The following AGR3 variants were observed in gnomAD, a reference collection of about 807,000 sequenced individuals.
AGR3 encodes the protein anterior gradient protein 3.
AGR3 carries 37 observed loss-of-function variants against 24.5 expected under a neutral mutation model. The observed-to-expected ratio is 1.51, with a 90% CI of 1.16 to 1.99. The LOEUF is 1.99. AGR3 is among the 30% of genes most tolerant of loss of function. The probability of loss-of-function intolerance (pLI) is 0.00; values close to 1 mark genes in which losing one functional copy is unlikely to be tolerated. For missense variants in AGR3, 228 were observed against 191.1 expected (o/e 1.19, Z -1.14); for synonymous variants, 75 against 61.6 (o/e 1.22, Z -1.02).
At position 16,865,320 on chromosome 7, in the gene AGR3, GA is replaced by G. The variant is rs568341437; in HGVS notation, c.174-2659del. The G allele has an allele frequency of 4.5e-3, 5,287 of 1,172,152 alleles. 20 individuals carry two copies. The highest frequency in any genetic ancestry group is 6.1e-3 in the Non-Finnish European group (4,816 of 792,386). 72.6% of individuals were successfully genotyped at this position (1,172,152 alleles called of 1,614,324 possible). Reference sequence around the variant, plus strand: ...GTTTATTGCACTTCTCATATCACCAGAACATCCTTGACAGAGCACCTCTAGA... The same window carrying G: ...GTTTATTGCACTTCTCATATCACCAGACATCCTTGACAGAGCACCTCTAGA... On this transcript the variant is annotated intron_variant, in intron 3 of 7. Transcript: ENST00000310398.
chr7:16,864,508 A>G, intron 3 of AGR3: 2 of 1,267,674 alleles, frequency 1.6e-6, no homozygotes, highest in Admixed American at 3.4e-5. Context: ...CCTGTCAGTC[A>G]GGGCTTCCAT....
At chr7:16,860,854 C>A (rs1781627684) in intron 6 of AGR3, among the ~76,000 whole-genome samples, 1 of 152,102 alleles carries the variant, frequency 6.6e-6, no homozygotes, top group African/African-American at 2.4e-5. Context: ...TCTTTATGTC[C>A]ATGTGTAACC....
At chr7:16,872,540 T>C (rs1781903801) in intron 3 of AGR3, among the ~76,000 whole-genome samples, 1 of 152,076 alleles carries the variant, frequency 6.6e-6, no homozygotes, top group South Asian at 2.1e-4. Context: ...TCGGACATTG[T>C]TCCCTGCAAA....
At chr7:16,861,510 G>A (rs1368675350) in intron 5 of AGR3, 63 bp from the exon 6 acceptor site, 2 of 1,383,172 alleles carry the variant, frequency 1.4e-6, no homozygotes, top group South Asian at 1.2e-5. Context: ...GTTTCAAGAT[G>A]ATTTTGTGTG....
At chr7:16,876,076 C>T (rs1781981715) in intron 2 of AGR3, among the ~76,000 whole-genome samples, 1 of 152,186 alleles carries the variant, frequency 6.6e-6, no homozygotes, top group Admixed American at 6.5e-5. Flanking sequence ...GCATAACTTA[C>T]TCCACAAAGC....
intron 3 of AGR3, chr7:16,865,052 C>T (rs757477100): frequency 1.8e-5 from 14 of 795,290 alleles, no homozygotes; most frequent in Non-Finnish European, 3.0e-5. Flanking sequence ...AATGAGAGGG[C>T]AACCAAGATG....
chr7:16,875,564 T>C (rs894649995), intron 2 of AGR3, among the ~76,000 whole-genome samples: 2 of 152,210 alleles, frequency 1.3e-5, no homozygotes, highest in African/African-American at 4.8e-5. Flanking sequence ...AATGATGCTA[T>C]GAACATACAT....
At chr7:16,873,564 T>G (rs879916225) in intron 3 of AGR3, 1 of 521,004 alleles carries the variant, frequency 1.9e-6, no homozygotes, top group Admixed American at 3.2e-5. Context: ...AACAATAGTT[T>G]ATTGTATATA....
At chr7:16,864,146 C>G in intron 3 of AGR3, 1 of 567,146 alleles carries the variant, frequency 1.8e-6, no homozygotes, top group Admixed American at 3.3e-5. Context: ...ACTACAGGAA[C>G]GGAGAATTAA....
intron 3 of AGR3, among the ~76,000 whole-genome samples, chr7:16,870,884 A>G (rs1781852747): frequency 6.6e-6 from 1 of 152,128 alleles, no homozygotes; most frequent in African/African-American, 2.4e-5. Context: ...TATTGAAACA[A>G]TAGTTAATTT....
At chr7:16,862,482 C>G (rs1781669009) in intron 4 of AGR3, 128 bp downstream of exon 4, 1 of 488,662 alleles carries the variant, frequency 2.0e-6, no homozygotes, top group Admixed American at 4.2e-5. Flanking sequence ...TGATGGTACT[C>G]TGGCAGTTGT....
intron 3 of AGR3, among the ~76,000 whole-genome samples, chr7:16,868,960 A>G (rs533090738): frequency 3.9e-5 from 6 of 152,296 alleles, no homozygotes; most frequent in African/African-American, 1.2e-4. Context: ...GACTTGTTTC[A>G]TGTGTCATGT....
chr7:16,862,729 G>T, intron 3 of AGR3, 67 bp from the exon 4 acceptor site: 1 of 1,143,072 alleles, frequency 8.7e-7, no homozygotes, highest in Non-Finnish European at 1.2e-6. Context: ...AGTAGAGTTA[G>T]ATTTAAAATT....
chr7:16,878,751 C>CT, intron 1 of AGR3, 106 bp from the exon 2 acceptor site: 1 of 832,342 alleles, frequency 1.2e-6, no homozygotes, highest in Non-Finnish European at 1.9e-6. Context: ...GACTGTTCAG[C>CT]TTTTTTGGTT....
chr7:16,860,467 G>T lies in AGR3; in HGVS notation c.451+33C>A. The T allele has an allele frequency of 2.6e-6, 4 of 1,510,706 alleles. No homozygotes were observed. In the South Asian group the frequency reaches 3.4e-5, roughly 13 times the overall value. The allele number at this position is 1,510,706 out of a possible 1,614,324, so 93.6% of individuals were successfully genotyped here. The stretch of plus-strand genomic sequence containing the variant: ...TAACAAATAGTCAGGGGTCAGCTAT[G>T]ACCACTGTTTGAGATCATTTGTGAA... On this transcript the variant is annotated intron_variant, in intron 7 of 7. Coordinates refer to ENST00000310398, the MANE Select transcript of AGR3 (RefSeq NM_176813.5).
At chr7:16,855,811 G>C (rs548777079), downstream of AGR3, among the ~76,000 whole-genome samples, 2 of 152,100 alleles carry the variant, frequency 1.3e-5, no homozygotes, top group Non-Finnish European at 2.9e-5. Context: ...GGTTTAAAAA[G>C]TACGCTTCCC....
intron 1 of AGR3, 138 bp from the exon 2 acceptor site, chr7:16,878,783 A>G: frequency 1.7e-6 from 1 of 585,400 alleles, no homozygotes. Flanking sequence ...AACCAACCAC[A>G]TAGAACTTTC....
At chr7:16,862,459 C>G in intron 4 of AGR3, 151 bp downstream of exon 4, 1 of 451,474 alleles carries the variant, frequency 2.2e-6, no homozygotes, top group East Asian at 3.7e-5. Flanking sequence ...GGTCTTTAAG[C>G]ACCTTAGTAA....
chr7:16,874,063 G>A (rs1781938242), intron 2 of AGR3, among the ~76,000 whole-genome samples: 2 of 152,140 alleles, frequency 1.3e-5, no homozygotes, highest in Admixed American at 1.3e-4. Flanking sequence ...AAACCTCGAG[G>A]CCCATGGCCT....
Sources: allele counts gnomAD v4.1 joint callset (sites outside exome capture counted in the v4.1 genomes callset), GRCh38; gene constraint gnomAD v4.1.1; transcripts MANE v1.5; gene names NCBI Gene and HGNC (gene_info 2026-07-23, HGNC 2026-07-21).